Variants in DNAH3 observed in about 807,000 individuals in gnomAD.
DNAH3 encodes the protein axonemal beta dynein heavy chain 3.
Under a neutral mutation model 432.5 loss-of-function variants are expected in DNAH3, and 332 were observed. The ratio of observed to expected loss-of-function variants is 0.77; its 90% CI spans 0.70 to 0.84. DNAH3 has a LOEUF of 0.84. Ranked by LOEUF, DNAH3 falls within the 40% of genes least tolerant of loss-of-function variation. The pLI, the probability that DNAH3 is intolerant of heterozygous loss-of-function variation, is 0.00. For synonymous variants in DNAH3, 1,956 were observed against 1,900.2 expected (o/e 1.03, Z -0.76); for missense variants, 4,861 against 5,114.0 (o/e 0.95, Z 1.51).
chr16:21,016,504 A>G (rs1421852394), intron 41 of DNAH3, among the ~76,000 whole-genome samples: 2 of 152,204 alleles, frequency 1.3e-5, no homozygotes, highest in Non-Finnish European at 2.9e-5. Context: ...ACATACAGAG[A>G]GAATACAAGC....
chr16:20,951,633 G>A (rs992611312), intron 56 of DNAH3, among the ~76,000 whole-genome samples: 2 of 151,202 alleles, frequency 1.3e-5, no homozygotes, highest in African/African-American at 4.9e-5. Context: ...TTGTAGAGAT[G>A]GGATTTTGCC....
At chr16:20,988,202 C>G in intron 44 of DNAH3, 137 bp from the exon 45 acceptor site, 1 of 968,456 alleles carries the variant, frequency 1.0e-6, no homozygotes, top group East Asian at 2.5e-5. Flanking sequence ...ATGGCAACCT[C>G]TAGCCACCTG....
chr16:20,964,281 G>A (rs761608202), exon 53 of DNAH3: 7 of 1,614,158 alleles, frequency 4.3e-6, no homozygotes, highest in Middle Eastern at 1.6e-4. Context: ...GTTGATCTTG[G>A]AGACCCAAGG....
chr16:21,035,369 C>A (rs1266106595), intron 35 of DNAH3, among the ~76,000 whole-genome samples: 2 of 152,064 alleles, frequency 1.3e-5, no homozygotes, highest in Admixed American at 1.3e-4. Context: ...GATTCAATAG[C>A]CTCTCACATT....
At chr16:20,959,620 C>CACACACAA (rs2084727513) in intron 53 of DNAH3, among the ~76,000 whole-genome samples, 1 of 124,342 alleles carries the variant, frequency 8.0e-6, no homozygotes, top group Non-Finnish European at 1.8e-5. Context: ...AACACACACA[C>CACACACAA]ACACACACAC....
chr16:21,022,127 T>C (rs1238742977), intron 39 of DNAH3, 27 bp from the exon 40 acceptor site: 1 of 1,612,762 alleles, frequency 6.2e-7, no homozygotes, highest in East Asian at 2.2e-5. Context: ...CCATGAGACT[T>C]GGAGACATGA....
At chr16:21,031,380 T>C in intron 36 of DNAH3, 94 bp from the exon 37 acceptor site, 6 of 1,481,994 alleles carry the variant, frequency 4.0e-6, no homozygotes, top group South Asian at 1.3e-5. Context: ...AATCAACTTT[T>C]ATAAATATGC....
chr16:20,996,547 C>T (rs1414186259), intron 44 of DNAH3, among the ~76,000 whole-genome samples: 1 of 152,120 alleles, frequency 6.6e-6, no homozygotes, highest in Non-Finnish European at 1.5e-5. Flanking sequence ...GCAACCTCTG[C>T]CTCTTGGGTT....
At chr16:21,147,122 A>G (rs2092795195) in intron 1 of DNAH3, among the ~76,000 whole-genome samples, 1 of 151,988 alleles carries the variant, frequency 6.6e-6, no homozygotes, top group South Asian at 2.1e-4. Context: ...AGCAAATTTG[A>G]ATATTTTTCC....
intron 18 of DNAH3, among the ~76,000 whole-genome samples, chr16:21,093,831 T>C (rs1022424310): frequency 1.9e-4 from 29 of 152,002 alleles, no homozygotes; most frequent in Non-Finnish European, 2.9e-4. Context: ...AATTTTTTTT[T>C]CCCAATTACT....
chr16:21,145,046 A>T (rs2092765196), intron 3 of DNAH3, 135 bp downstream of exon 4: 2 of 709,010 alleles, frequency 2.8e-6, no homozygotes, highest in South Asian at 3.8e-5. Flanking sequence ...CGGGAGGCGG[A>T]GGTTGCAATG....
At chr16:21,081,381 T>TA (rs56977749) in intron 20 of DNAH3, among the ~76,000 whole-genome samples, 73,013 of 143,902 alleles carry the variant, frequency 0.51, 17,765 homozygotes, top group South Asian at 0.61. Flanking sequence ...CAAAGAACAT[T>TA]AAAAAAAAAA....
At chr16:21,094,409 A>G (rs2091620929) in intron 18 of DNAH3, among the ~76,000 whole-genome samples, 1 of 152,096 alleles carries the variant, frequency 6.6e-6, no homozygotes, top group African/African-American at 2.4e-5. Flanking sequence ...AGTGGCTCAC[A>G]CCTGTAATCC....
chr16:21,021,994 A>G (rs2088254802), exon 40 of DNAH3: 1 of 1,613,916 alleles, frequency 6.2e-7, no homozygotes, highest in South Asian at 1.1e-5. Flanking sequence ...GTACAGTCTC[A>G]TCATTGAGAA....
rs185587300 is a variant in DNAH3 at position 21,132,884 on chromosome 16, A to G, written c.1082+1375T>C. On this transcript the variant is annotated intron_variant, in intron 7 of 61. Coordinates refer to ENST00000261383, the Ensembl canonical transcript of DNAH3. The stretch of plus-strand genomic sequence containing the variant: ...ACTTTCAAAGGGTGAATTTTATGGA[A>G]TGTGGATATCTCACTTTTTTTTAAA... Among the ~76,000 whole-genome samples the G allele has an allele frequency of 5.8e-3, 865 of 149,696 alleles. 6 individuals carry two copies. The highest frequency in any genetic ancestry group is 8.9e-3 in the Non-Finnish European group (604 of 67,650).
chr16:20,979,050 T>A (rs760277198), intron 50 of DNAH3, among the ~76,000 whole-genome samples: 1 of 151,054 alleles, frequency 6.6e-6, no homozygotes, highest in African/African-American at 2.4e-5. Flanking sequence ...ACTTAAGGGG[T>A]CATTAAAAAA....
At chr16:20,991,000 G>A (rs772693414) in intron 44 of DNAH3, among the ~76,000 whole-genome samples, 4 of 151,956 alleles carry the variant, frequency 2.6e-5, no homozygotes, top group Non-Finnish European at 5.9e-5. Flanking sequence ...CAGCCTGAGC[G>A]ACAGAGCGAG....
Position 21,104,611 on chromosome 16 carries a change from G to T in DNAH3, c.2285-59C>A, listed in dbSNP as rs2091907339. On this transcript the variant is annotated intron_variant, in intron 15 of 61. Transcript: ENST00000261383. ...TGTCCTCATCTGCAAAACACATACT[G>T]CCTGCTCCAGGACACTGTTTAGCAT... 2 of 1,418,752 alleles carry T rather than the reference G, an allele frequency of 1.4e-6. No homozygotes were observed. Among genetic ancestry groups the T allele is most frequent in the Admixed American group, 1.7e-5 (1 of 59,724 alleles). 87.9% of individuals were successfully genotyped at this position (1,418,752 alleles called of 1,614,324 possible).
intron 32 of DNAH3, among the ~76,000 whole-genome samples, chr16:21,040,308 T>C (rs575918500): frequency 3.7e-4 from 56 of 149,780 alleles, no homozygotes; most frequent in Non-Finnish European, 6.3e-4. Context: ...TCAGAAGTCA[T>C]TTAGGAATGC....
Sources: gnomAD v4.1 joint callset for allele counts (sites outside exome capture counted in the v4.1 genomes callset) on GRCh38, gnomAD v4.1.1 for gene constraint, MANE v1.5 for transcripts, NCBI Gene and HGNC (gene_info 2026-07-23, HGNC 2026-07-21) for gene names.